Variants in GPC6 observed in about 807,000 individuals in gnomAD.
GPC6 encodes glypican 6.
GPC6 carries 14 observed loss-of-function variants against 55.2 expected under a neutral mutation model. That is an observed-to-expected ratio of 0.25 (90% CI 0.17 to 0.40). The LOEUF (loss-of-function observed/expected upper bound fraction) is 0.40, where lower values mean the gene tolerates loss of function less well. GPC6 is among the 10% of genes least tolerant of loss of function. GPC6 has a pLI of 1.00. For synonymous variants in GPC6, 278 were observed against 259.6 expected (o/e 1.07, Z -0.68); for missense variants, 641 against 708.5 (o/e 0.90, Z 1.08).
At chr13:93,728,830 A>G (rs1225837696) in intron 2 of GPC6, among the ~76,000 whole-genome samples, 1 of 152,084 alleles carries the variant, frequency 6.6e-6, no homozygotes, top group Non-Finnish European at 1.5e-5. Flanking sequence ...GGCCTCCCAA[A>G]GTGCTGAGAT....
chr13:93,394,256 T>G (rs1427215080), intron 1 of GPC6, among the ~76,000 whole-genome samples: 1 of 152,196 alleles, frequency 6.6e-6, no homozygotes, highest in Non-Finnish European at 1.5e-5. Flanking sequence ...CAGCATGCAT[T>G]TACTTGCACG....
At chr13:93,920,227 T>A (rs2140344322) in intron 3 of GPC6, among the ~76,000 whole-genome samples, 1 of 151,850 alleles carries the variant, frequency 6.6e-6, no homozygotes, top group South Asian at 2.1e-4. Context: ...CTCTAATTCT[T>A]TTTTCTCTAT....
chr13:93,612,905 C>T (rs774003055), intron 2 of GPC6, among the ~76,000 whole-genome samples: 2 of 152,022 alleles, frequency 1.3e-5, no homozygotes, highest in Admixed American at 6.6e-5. Flanking sequence ...GAGGTAAAGA[C>T]AAGATAAATG....
intron 3 of GPC6, among the ~76,000 whole-genome samples, chr13:93,990,670 A>AACATAGCAAGACCCATCTCT (rs1881257232): frequency 6.6e-6 from 1 of 151,430 alleles, no homozygotes; most frequent in Non-Finnish European, 1.5e-5. Flanking sequence ...AAGCCTGGGC[A>AACATAGCAAGACCCATCTCT]ACATAGCAAG....
At chr13:93,652,092 T>C (rs1594343347) in intron 2 of GPC6, among the ~76,000 whole-genome samples, 1 of 152,300 alleles carries the variant, frequency 6.6e-6, no homozygotes, top group Non-Finnish European at 1.5e-5. Context: ...TCTCAGGCAT[T>C]TTAAATCAGT....
intron 2 of GPC6, among the ~76,000 whole-genome samples, chr13:93,556,295 CT>C (rs201106884): frequency 4.7e-5 from 7 of 149,494 alleles, no homozygotes; most frequent in East Asian, 2.0e-4. Context: ...TTTTGGGTTA[CT>C]TTTTTTTGCT....
intron 2 of GPC6, among the ~76,000 whole-genome samples, chr13:93,670,354 T>A (rs1032679128): frequency 1.3e-5 from 2 of 152,194 alleles, no homozygotes; most frequent in Non-Finnish European, 1.5e-5. Flanking sequence ...TGGCACAGGT[T>A]CTTGAAGATA....
chr13:93,897,668 C>T (rs1388146686), intron 3 of GPC6, among the ~76,000 whole-genome samples: 2 of 152,098 alleles, frequency 1.3e-5, no homozygotes. Context: ...AATGGTGGCA[C>T]ATTCAGCATA....
At chr13:93,596,816 A>G (rs1169734639) in intron 2 of GPC6, among the ~76,000 whole-genome samples, 3 of 148,814 alleles carry the variant, frequency 2.0e-5, no homozygotes, top group Non-Finnish European at 3.0e-5. Flanking sequence ...GTATAAATAT[A>G]TATAATTACG....
At chr13:93,949,315 A>G (rs1879147695) in intron 3 of GPC6, among the ~76,000 whole-genome samples, 1 of 152,212 alleles carries the variant, frequency 6.6e-6, no homozygotes, top group Non-Finnish European at 1.5e-5. Flanking sequence ...GGCATAGACA[A>G]TGACATTTCT....
chr13:93,367,669 A>G (rs1352838334), intron 1 of GPC6, among the ~76,000 whole-genome samples: 1 of 152,070 alleles, frequency 6.6e-6, no homozygotes, highest in Non-Finnish European at 1.5e-5. Context: ...TATCTCTTGC[A>G]ACTAACTGCC....
At chr13:93,461,276 G>C (rs188552392) in intron 1 of GPC6, among the ~76,000 whole-genome samples, 1 of 152,208 alleles carries the variant, frequency 6.6e-6, no homozygotes, top group East Asian at 1.9e-4. Context: ...AATTTAACCA[G>C]TATTGTATTT....
At chr13:93,424,285 C>A (rs1877036263) in intron 1 of GPC6, among the ~76,000 whole-genome samples, 3 of 152,186 alleles carry the variant, frequency 2.0e-5, no homozygotes, top group Admixed American at 2.0e-4. Context: ...CAGGGAAGCT[C>A]AGCCCTCGTG....
chr13:93,540,694 A>G (rs1040331094), intron 1 of GPC6, among the ~76,000 whole-genome samples: 1 of 152,162 alleles, frequency 6.6e-6, no homozygotes, highest in East Asian at 1.9e-4. Flanking sequence ...GGGAACATTC[A>G]ATATCCTCTT....
intron 2 of GPC6, among the ~76,000 whole-genome samples, chr13:93,646,785 G>A (rs1244419070): frequency 6.6e-6 from 1 of 151,424 alleles, no homozygotes; most frequent in African/African-American, 2.4e-5. Context: ...TGCATCCTTG[G>A]CATCCTGTAT....
chr13:93,961,825 A>C (rs968577286), intron 3 of GPC6, among the ~76,000 whole-genome samples: 11 of 152,142 alleles, frequency 7.2e-5, no homozygotes, highest in African/African-American at 2.7e-4. Flanking sequence ...TTTAACAATA[A>C]ATGTAAATAG....
chr13:93,819,265 A>C (rs1253118194), intron 2 of GPC6, among the ~76,000 whole-genome samples: 1 of 152,138 alleles, frequency 6.6e-6, no homozygotes, highest in African/African-American at 2.4e-5. Flanking sequence ...CACATCCCAG[A>C]TTTGATCCTT....
chr13:93,669,199 T>C (rs1881263949), intron 2 of GPC6, among the ~76,000 whole-genome samples: 1 of 151,842 alleles, frequency 6.6e-6, no homozygotes, highest in South Asian at 2.1e-4. Flanking sequence ...ACCATTTTTT[T>C]CATTTTTTTA....
chr13:93,342,454 G>C (rs183567537), intron 1 of GPC6, among the ~76,000 whole-genome samples: 72 of 152,202 alleles, frequency 4.7e-4, no homozygotes, highest in African/African-American at 1.7e-3. Flanking sequence ...ATGAAACCAT[G>C]AGATCTCATA....
Sources: allele counts gnomAD v4.1 joint callset (sites outside exome capture counted in the v4.1 genomes callset), GRCh38; gene constraint gnomAD v4.1.1; transcripts MANE v1.5; gene names NCBI Gene and HGNC (gene_info 2026-07-23, HGNC 2026-07-21).